The following PDIA6 variants were observed in gnomAD, a reference collection of about 807,000 sequenced individuals.
PDIA6 encodes the protein protein disulfide-isomerase A6.
A neutral mutation model predicts 58.4 loss-of-function variants in PDIA6; 29 were observed. The observed-to-expected ratio is 0.50, with a 90% CI of 0.37 to 0.68. The LOEUF (loss-of-function observed/expected upper bound fraction) is 0.68. PDIA6 is among the 30% of genes least tolerant of loss of function. The pLI is 0.00. For synonymous variants in PDIA6, 192 were observed against 202.6 expected (o/e 0.95, Z 0.44); for missense variants, 480 against 551.0 (o/e 0.87, Z 1.29).
chr2:10,799,620 T>G (rs949277090), intron 2 of PDIA6, among the ~76,000 whole-genome samples: 1 of 152,248 alleles, frequency 6.6e-6, no homozygotes, highest in African/African-American at 2.4e-5. Context: ...CCTGAAATGC[T>G]ACTTCTACAT....
rs536945831 is a variant in PDIA6 at position 10,808,937 on chromosome 2, C to T, written c.19+3741G>A. Among the ~76,000 whole-genome samples the T allele has an allele frequency of 1.9e-4, 29 of 152,140 alleles. 1 individual carries two copies. The South Asian group carries it at 4.4e-3, about 23-fold the overall frequency. On this transcript the variant is annotated intron_variant, in intron 1 of 12. Transcript: ENST00000272227. ...GTCTCCTGGGTTCAAGCGATTCTCC[C>T]GTCTCAGGATTACAGGCATCAGCCA...
chr2:10,835,202 C>T (rs538239267), upstream of PDIA6, among the ~76,000 whole-genome samples: 13 of 152,290 alleles, frequency 8.5e-5, no homozygotes, highest in East Asian at 2.5e-3. Flanking sequence ...TTACCTGAAC[C>T]GTCCTTCCAG....
chr2:10,814,879 G>A (rs1667145607), upstream of PDIA6, among the ~76,000 whole-genome samples: 1 of 152,172 alleles, frequency 6.6e-6, no homozygotes, highest in Non-Finnish European at 1.5e-5. Flanking sequence ...CTCGAACTGC[G>A]GTGGCCCACA....
At chr2:10,793,246 C>T in intron 4 of PDIA6, 44 bp from the exon 5 acceptor site, 2 of 1,356,742 alleles carry the variant, frequency 1.5e-6, no homozygotes, top group South Asian at 1.2e-5. Context: ...CGGCCTTCAG[C>T]AAGTGCCTCA....
At chr2:10,826,998 C>T (rs72779478) in intron 1 of PDIA6, among the ~76,000 whole-genome samples, 18,445 of 152,196 alleles carry the variant, frequency 0.12, 1,452 homozygotes, top group Non-Finnish European at 0.17. Context: ...ACAGTGCCCC[C>T]GGGTGAGCAG....
intron 1 of PDIA6, among the ~76,000 whole-genome samples, chr2:10,826,917 G>C (rs541824969): frequency 2.5e-3 from 377 of 152,314 alleles, no homozygotes; most frequent in Non-Finnish European, 4.4e-3. Context: ...ACGACCTGCT[G>C]CCTCCATCAC....
chr2:10,796,128 A>G (rs28577596), intron 4 of PDIA6, among the ~76,000 whole-genome samples: 74,111 of 147,260 alleles, frequency 0.5, 19,709 homozygotes, highest in Middle Eastern at 0.6. Flanking sequence ...ATCTCGGCTC[A>G]CTGCAAGCTC....
At chr2:10,836,748 T>C (rs995167176), upstream of PDIA6, among the ~76,000 whole-genome samples, 1 of 152,066 alleles carries the variant, frequency 6.6e-6, no homozygotes, top group Admixed American at 6.5e-5. Context: ...ACTTAACCTT[T>C]TCTTTATATT....
At chr2:10,793,902 A>C (rs145388760) in intron 4 of PDIA6, among the ~76,000 whole-genome samples, 3 of 152,340 alleles carry the variant, frequency 2.0e-5, no homozygotes, top group Non-Finnish European at 4.4e-5. Context: ...AAGTAACTGG[A>C]AACCATTCCA....
At chr2:10,806,624 A>AAGACAGACAGAC (rs1188648071) in intron 1 of PDIA6, among the ~76,000 whole-genome samples, 11 of 139,758 alleles carry the variant, frequency 7.9e-5, no homozygotes, top group Non-Finnish European at 1.5e-4. Flanking sequence ...CTAAAAAATA[A>AAGACAGACAGAC]AGACAGAAAG....
chr2:10,799,894 C>A (rs1444827432), intron 2 of PDIA6, among the ~76,000 whole-genome samples: 1 of 147,358 alleles, frequency 6.8e-6, no homozygotes, highest in African/African-American at 2.5e-5. Flanking sequence ...TTTTGGGAAT[C>A]CCTTTTAGGA....
chr2:10,833,716 G>A (rs1667762214), upstream of PDIA6, among the ~76,000 whole-genome samples: 1 of 152,214 alleles, frequency 6.6e-6, no homozygotes, highest in Non-Finnish European at 1.5e-5. Flanking sequence ...GGATTCCAGG[G>A]CATGTACTTG....
intron 2 of PDIA6, among the ~76,000 whole-genome samples, chr2:10,801,697 G>A (rs1222799274): frequency 6.6e-6 from 1 of 152,194 alleles, no homozygotes; most frequent in South Asian, 2.1e-4. Flanking sequence ...TGAGCATGAA[G>A]TAAAATGGTC....
intron 1 of PDIA6, among the ~76,000 whole-genome samples, chr2:10,806,628 C>CGAAAGAAAGAAAGAAAGAA (rs1553339930): frequency 2.1e-4 from 15 of 70,392 alleles, no homozygotes; most frequent in South Asian, 5.2e-4. Flanking sequence ...AAAATAAAGA[C>CGAAAGAAAGAAAGAAAGAA]AGAAAGAAAG....
At chr2:10,810,280 C>T (rs1037773121) in intron 1 of PDIA6, 6 of 1,534,450 alleles carry the variant, frequency 3.9e-6, no homozygotes, top group Non-Finnish European at 5.2e-6. Flanking sequence ...AATTTCTAAC[C>T]GAAGGGCTGG....
upstream of PDIA6, chr2:10,812,856 G>A (rs1281455471): frequency 2.5e-5 from 29 of 1,162,528 alleles, no homozygotes; most frequent in South Asian, 3.4e-4. Context: ...GCCAAGCCGT[G>A]GCTGCGGCTC....
intron 1 of PDIA6, among the ~76,000 whole-genome samples, chr2:10,806,629 A>AAG (rs1491187872): frequency 1.4e-5 from 1 of 69,284 alleles, no homozygotes; most frequent in Admixed American, 1.6e-4. Context: ...AAATAAAGAC[A>AAG]GAAAGAAAGA....
chr2:10,835,527 C>T (rs1008626936), upstream of PDIA6, among the ~76,000 whole-genome samples: 4 of 152,202 alleles, frequency 2.6e-5, no homozygotes, highest in Non-Finnish European at 5.9e-5. Flanking sequence ...GGCCTGAAGG[C>T]AGGTGGGGCC....
intron 1 of PDIA6, among the ~76,000 whole-genome samples, chr2:10,828,127 C>G: frequency 6.6e-6 from 1 of 152,024 alleles, no homozygotes; most frequent in East Asian, 1.9e-4. Context: ...CCAGAGCCCA[C>G]AGTTTACATT....
Sources: allele counts gnomAD v4.1 joint callset (sites outside exome capture counted in the v4.1 genomes callset), GRCh38; gene constraint gnomAD v4.1.1; transcripts MANE v1.5; gene names NCBI Gene and HGNC (gene_info 2026-07-23, HGNC 2026-07-21).